HS3ST5: variants seen among roughly 807,000 people sequenced by gnomAD.
HS3ST5 encodes heparan sulfate glucosamine 3-O-sulfotransferase 5.
In HS3ST5, 10 loss-of-function variants were observed where a neutral mutation model predicts 25.4. The observed-to-expected ratio is 0.39, with a 90% confidence interval of 0.24 to 0.67. HS3ST5 has a LOEUF of 0.67. Among genes scored for constraint, HS3ST5 ranks in the 30% least tolerant of loss-of-function variants. The pLI is 0.44. For synonymous variants in HS3ST5, 170 were observed against 162.4 expected (o/e 1.05, Z -0.36); for missense variants, 324 against 420.7 (o/e 0.77, Z 2.01).
chr6:114,338,863 C>T (rs1776714172), intron 1 of HS3ST5, among the ~76,000 whole-genome samples: 1 of 151,948 alleles, frequency 6.6e-6, no homozygotes, highest in Non-Finnish European at 1.5e-5. Flanking sequence ...GCCTAAAATA[C>T]AGGATTTTTC....
intron 2 of HS3ST5, among the ~76,000 whole-genome samples, chr6:114,227,307 G>A (rs1419897136): frequency 7.0e-5 from 10 of 143,538 alleles, no homozygotes; most frequent in Non-Finnish European, 1.5e-4. Context: ...TCTACATAAT[G>A]TGAACAAGTG....
chr6:114,317,641 G>A (rs899313393), intron 1 of HS3ST5, among the ~76,000 whole-genome samples: 1 of 151,970 alleles, frequency 6.6e-6, no homozygotes, highest in African/African-American at 2.4e-5. Flanking sequence ...TGGTAGGTTA[G>A]GCACCTACCT....
chr6:114,182,650 A>G (rs1780027661), intron 2 of HS3ST5, among the ~76,000 whole-genome samples: 1 of 152,172 alleles, frequency 6.6e-6, no homozygotes, highest in Admixed American at 6.5e-5. Flanking sequence ...AAAGACAGTA[A>G]AGGTTATCCC....
intron 3 of HS3ST5, among the ~76,000 whole-genome samples, chr6:114,072,715 G>T (rs1274395823): frequency 6.6e-6 from 1 of 152,088 alleles, no homozygotes; most frequent in Non-Finnish European, 1.5e-5. Flanking sequence ...TGGCCATACT[G>T]CCCAAGGTGA....
intron 3 of HS3ST5, among the ~76,000 whole-genome samples, chr6:114,163,863 A>G (rs1655524553): frequency 6.6e-6 from 1 of 152,098 alleles, no homozygotes; most frequent in Admixed American, 6.6e-5. Flanking sequence ...AGGGGTCTAA[A>G]AGATCTGGGT....
intron 3 of HS3ST5, among the ~76,000 whole-genome samples, chr6:114,070,852 G>C (rs1318558979): frequency 1.3e-5 from 2 of 152,214 alleles, no homozygotes; most frequent in East Asian, 3.8e-4. Context: ...ACTTGTGACT[G>C]CCTTAGTTCA....
chr6:114,175,423 T>C (rs1317525537), intron 2 of HS3ST5, among the ~76,000 whole-genome samples: 1 of 152,190 alleles, frequency 6.6e-6, no homozygotes, highest in Non-Finnish European at 1.5e-5. Flanking sequence ...AGGGAATTGG[T>C]TCAGGGTTCT....
chr6:114,250,034 A>T (rs1772575451), intron 1 of HS3ST5, among the ~76,000 whole-genome samples: 2 of 152,162 alleles, frequency 1.3e-5, no homozygotes, highest in South Asian at 4.1e-4. Context: ...GATATAATAG[A>T]CTCACTACAC....
intron 3 of HS3ST5, among the ~76,000 whole-genome samples, chr6:114,086,770 C>T (rs1774859597): frequency 6.6e-6 from 1 of 152,122 alleles, no homozygotes; most frequent in Non-Finnish European, 1.5e-5. Flanking sequence ...GTTCGGGGAA[C>T]ACAGAATGCC....
At chr6:114,145,064 T>C (rs1372749221) in intron 3 of HS3ST5, among the ~76,000 whole-genome samples, 2 of 152,216 alleles carry the variant, frequency 1.3e-5, no homozygotes, top group South Asian at 2.1e-4. Flanking sequence ...CTCCACTCTC[T>C]GTTGATTTTT....
chr6:114,301,015 G>A (rs566268371), intron 1 of HS3ST5, among the ~76,000 whole-genome samples: 6 of 152,312 alleles, frequency 3.9e-5, no homozygotes, highest in African/African-American at 1.4e-4. Context: ...GGGGGAGTCT[G>A]AAAAGTGACT....
At chr6:114,334,791 T>A (rs1242964378) in intron 1 of HS3ST5, among the ~76,000 whole-genome samples, 1 of 152,240 alleles carries the variant, frequency 6.6e-6, no homozygotes. Context: ...TGTATCTCCA[T>A]TGTCAAGTGA....
intron 1 of HS3ST5, among the ~76,000 whole-genome samples, chr6:114,299,270 C>T (rs981060413): frequency 2.0e-5 from 3 of 152,146 alleles, no homozygotes; most frequent in Non-Finnish European, 4.4e-5. Context: ...AAATTCCTGC[C>T]TAATAAATTT....
chr6:114,135,287 A>G (rs1777539911), intron 3 of HS3ST5, among the ~76,000 whole-genome samples: 1 of 152,180 alleles, frequency 6.6e-6, no homozygotes, highest in African/African-American at 2.4e-5. Flanking sequence ...TGACTGAGAT[A>G]CTGACCTGGG....
At chr6:114,226,192 T>C (rs371227546) in intron 2 of HS3ST5, among the ~76,000 whole-genome samples, 2 of 151,996 alleles carry the variant, frequency 1.3e-5, no homozygotes, top group African/African-American at 4.8e-5. Context: ...TGAAAGTACA[T>C]TGTCTTATTT....
At chr6:114,084,021 CTTATA>C (rs1774621041) in intron 3 of HS3ST5, 1 of 526,208 alleles carries the variant, frequency 1.9e-6, no homozygotes, top group Non-Finnish European at 3.3e-6. Context: ...TTTGCAGAAT[CTTATA>C]TTGTACAAAC....
At chr6:114,151,755 T>C (rs1778460276) in intron 3 of HS3ST5, among the ~76,000 whole-genome samples, 1 of 152,168 alleles carries the variant, frequency 6.6e-6, no homozygotes, top group Admixed American at 6.5e-5. Flanking sequence ...ATGTAAAATG[T>C]AGAAAATTAT....
intron 1 of HS3ST5, among the ~76,000 whole-genome samples, chr6:114,265,808 C>G (rs538714385): frequency 9.4e-4 from 143 of 152,266 alleles, no homozygotes; most frequent in Non-Finnish European, 1.8e-3. Flanking sequence ...TTTCTGAATG[C>G]ATTTTCTAAA....
chr6:114,207,975 T>G (rs1458379830), intron 2 of HS3ST5, among the ~76,000 whole-genome samples: 7 of 152,214 alleles, frequency 4.6e-5, no homozygotes, highest in Admixed American at 3.9e-4. Flanking sequence ...ATACATCCCA[T>G]GTCTTACTAC....
Sources: allele counts gnomAD v4.1 joint callset (sites outside exome capture counted in the v4.1 genomes callset), GRCh38; gene constraint gnomAD v4.1.1; transcripts MANE v1.5; gene names NCBI Gene and HGNC (gene_info 2026-07-23, HGNC 2026-07-21).